Variants in PPP2R2D observed in about 807,000 individuals in gnomAD.
PPP2R2D encodes the protein serine/threonine-protein phosphatase 2A 55 kDa regulatory subunit B delta isoform.
Under a neutral mutation model 31.1 loss-of-function variants are expected in PPP2R2D, and 9 were observed. The ratio of observed to expected loss-of-function variants is 0.29; its 90% confidence interval spans 0.17 to 0.51. The LOEUF (loss-of-function observed/expected upper bound fraction) is 0.51. Among genes scored for constraint, PPP2R2D ranks in the 20% least tolerant of loss-of-function variants. The pLI is 0.98. For missense variants in PPP2R2D, 391 were observed against 465.6 expected, an observed-to-expected ratio of 0.84 and a Z score of 1.48; for synonymous variants, 179 against 172.6, an observed-to-expected ratio of 1.04 and a Z score of -0.29.
intron 2 of PPP2R2D, among the ~76,000 whole-genome samples, chr10:131,932,666 A>AAAAAAAAAAAAAAAAC (rs2036261641): frequency 7.0e-6 from 1 of 142,446 alleles, no homozygotes; most frequent in Non-Finnish European, 1.5e-5. Context: ...AAAAAAAAAA[A>AAAAAAAAAAAAAAAAC]AACACACAAA....
rs782242920 is a variant in PPP2R2D at position 131,945,308 on chromosome 10, C to A, written c.669C>A (p.Ile223=). The change falls in exon 7 of 9, where the codon ATC becomes ATA. Residue 223 remains isoleucine, a synonymous_variant. Coordinates refer to ENST00000455566, the MANE Select transcript of PPP2R2D (RefSeq NM_018461.5). This position sits in a 1 kb window ranked among gnomAD's most constrained non-coding sequence, Gnocchi z 4.8. ...ITDRSFNIVD[I]KPANMEELTE... ...ATGCACTCCCAGACATCGTGGACAT[C>A]AAGCCTGCTAACATGGAGGAGCTGA... The A allele has an allele frequency of 3.1e-6, 5 of 1,613,682 alleles. No individual in the cohort carries two copies. The highest frequency in any genetic ancestry group is 4.5e-5 in the East Asian group (2 of 44,876).
chr10:131,915,028 G>A (rs557404704), intron 2 of PPP2R2D, among the ~76,000 whole-genome samples: 3 of 151,702 alleles, frequency 2.0e-5, no homozygotes, highest in South Asian at 2.1e-4. Context: ...GTTGTGCTCC[G>A]GTTTTCTGGA....
chr10:131,908,624 T>G (rs1294812451), intron 2 of PPP2R2D, among the ~76,000 whole-genome samples: 1 of 152,262 alleles, frequency 6.6e-6, no homozygotes, highest in Admixed American at 6.5e-5. Flanking sequence ...CTTCAGGCTT[T>G]GTGTTAACTT....
chr10:131,961,198 C>T (rs1002815506), downstream of PPP2R2D, among the ~76,000 whole-genome samples: 4 of 152,164 alleles, frequency 2.6e-5, no homozygotes, highest in Non-Finnish European at 5.9e-5. Flanking sequence ...GCCTGGGGGC[C>T]TGGCGGGCCC....
chr10:131,937,553 G>A (rs979204900), intron 3 of PPP2R2D, among the ~76,000 whole-genome samples: 1 of 152,138 alleles, frequency 6.6e-6, no homozygotes, highest in Non-Finnish European at 1.5e-5. Context: ...AGGCTGAGGG[G>A]TTGCTTGGGT....
rs782688679 is a variant in PPP2R2D, at chr10:131,944,028, A to G, written c.538A>G (p.Asn180Asp). ...VEASPRRIFA[N>D]AHTYHINSIS... The stretch of plus-strand genomic sequence containing the variant: ...AGCGAGTCCACGGCGAATTTTTGCA[A>G]ATGCTCACACATATCATATAAATTC... The change falls in exon 6 of 9, where the codon AAT becomes GAT. Residue 180 changes from asparagine (N) to aspartate (D), a missense_variant. By Grantham distance (23) the Asn-to-Asp change is conservative (BLOSUM62 1). Transcript: ENST00000455566. 2 of 1,546,482 alleles carry G rather than the reference A, an allele frequency of 1.3e-6. No homozygotes were observed. The highest frequency in any genetic ancestry group is 1.1e-5 in the South Asian group (1 of 89,508).
At chr10:131,935,613 T>C (rs1554896381) in intron 3 of PPP2R2D, among the ~76,000 whole-genome samples, 2 of 152,254 alleles carry the variant, frequency 1.3e-5, no homozygotes, top group African/African-American at 4.8e-5. Flanking sequence ...GTCCAGGTAG[T>C]TAAAGATTTT....
chr10:131,970,576 A>C, the PPP2R2D span: 7 of 1,570,322 alleles, frequency 4.5e-6, no homozygotes, highest in Non-Finnish European at 6.1e-6. This position sits in a 1 kb window ranked among gnomAD's most constrained non-coding sequence, Gnocchi z 4.1. Context: ...CGAATAAATC[A>C]CTGCAACCCA....
At chr10:131,970,730 G>A in the PPP2R2D span, 28 of 1,614,034 alleles carry the variant, frequency 1.7e-5, no homozygotes, top group African/African-American at 2.7e-5. The surrounding 1 kb of genome is among the most constrained non-coding windows in gnomAD (Gnocchi z 4.1). Context: ...TCTTCATGAC[G>A]CTCGTGTTCC....
intron 2 of PPP2R2D, among the ~76,000 whole-genome samples, chr10:131,917,042 G>A (rs1355325177): frequency 6.9e-6 from 1 of 145,830 alleles, no homozygotes; most frequent in Non-Finnish European, 1.5e-5. Flanking sequence ...GAATGACACA[G>A]TGTAGGGACC....
downstream of PPP2R2D, among the ~76,000 whole-genome samples, chr10:131,964,269 AACTT>A (rs2036953444): frequency 6.6e-6 from 1 of 151,884 alleles, no homozygotes; most frequent in Admixed American, 6.6e-5. Context: ...AGAACCCACT[AACTT>A]TAGTTTCCGT....
intron 2 of PPP2R2D, among the ~76,000 whole-genome samples, chr10:131,931,472 C>T (rs954824200): frequency 3.9e-5 from 6 of 152,150 alleles, no homozygotes; most frequent in East Asian, 1.9e-4. Context: ...CTCAGCCTCC[C>T]GAGTAGCTGT....
At position 131,945,253 on chromosome 10, in the gene PPP2R2D, A is replaced by G. The variant is rs782038334; in HGVS notation, c.656-42A>G. 9.5e-6 allele frequency: 15 copies of G among 1,580,144 alleles called. No homozygotes were observed. The highest frequency in any genetic ancestry group is 1.7e-4 in the Middle Eastern group (1 of 5,912). On this transcript the variant is annotated intron_variant, in intron 6 of 8. Transcript: ENST00000455566. This position sits in a 1 kb window ranked among gnomAD's most constrained non-coding sequence, Gnocchi z 4.8. ...GTGACTGAATGTAGACTAATTAACA[A>G]CCAGCTGAGCTGAGCACTGTGCCTT...
downstream of PPP2R2D, among the ~76,000 whole-genome samples, chr10:131,961,159 C>T (rs1483184055): frequency 6.6e-6 from 1 of 152,214 alleles, no homozygotes; most frequent in Non-Finnish European, 1.5e-5. Context: ...CCGCGGCCGA[C>T]GCTTCCCCAA....
intron 2 of PPP2R2D, among the ~76,000 whole-genome samples, chr10:131,911,042 A>T (rs1175347371): frequency 6.6e-6 from 1 of 152,128 alleles, no homozygotes; most frequent in Admixed American, 6.5e-5. Context: ...CCGCTAAACT[A>T]AAGTGTTTCC....
intron 2 of PPP2R2D, among the ~76,000 whole-genome samples, chr10:131,917,198 T>C (rs377270211): frequency 0.025 from 1,744 of 71,116 alleles, no homozygotes; most frequent in African/African-American, 0.026. Context: ...GGACCTCAGG[T>C]GGGTGGAATG....
chr10:131,936,971 G>A (rs2036354176), intron 3 of PPP2R2D, among the ~76,000 whole-genome samples: 1 of 152,254 alleles, frequency 6.6e-6, no homozygotes, highest in Non-Finnish European at 1.5e-5. Flanking sequence ...TTCATCCATG[G>A]CCGGAGGCCG....
chr10:131,940,324 A>G (rs1443091349), intron 4 of PPP2R2D, 128 bp downstream of exon 4: 2 of 579,194 alleles, frequency 3.5e-6, no homozygotes, highest in Non-Finnish European at 6.2e-6. Flanking sequence ...TAAGTTATCT[A>G]GGGTAGCAAG....
chr10:131,901,871 C>T (rs1245424989), intron 2 of PPP2R2D, among the ~76,000 whole-genome samples: 5 of 152,216 alleles, frequency 3.3e-5, no homozygotes, highest in South Asian at 2.1e-4. Context: ...GGTCTGCTTT[C>T]TGCGGTTCTA....
Sources: allele counts gnomAD v4.1 joint callset (sites outside exome capture counted in the v4.1 genomes callset), GRCh38; gene constraint gnomAD v4.1.1; non-coding constraint Gnocchi (gnomAD v3.1); transcripts MANE v1.5; gene names NCBI Gene and HGNC (gene_info 2026-07-23, HGNC 2026-07-21).